The following SETD7 variants were observed in gnomAD, a reference collection of about 807,000 sequenced individuals.
SETD7 encodes SET domain containing 7, histone lysine methyltransferase.
SETD7 carries 16 observed loss-of-function variants against 41.8 expected under a neutral mutation model. The ratio of observed to expected loss-of-function variants is 0.38; its 90% CI spans 0.26 to 0.58. The LOEUF (loss-of-function observed/expected upper bound fraction) is 0.58. SETD7 is among the 20% of genes least tolerant of loss of function. The pLI, the probability that SETD7 is intolerant of heterozygous loss-of-function variation, is 0.64. For synonymous variants in SETD7, 163 were observed against 169.7 expected (o/e 0.96, Z 0.31); for missense variants, 346 against 459.7 (o/e 0.75, Z 2.26).
At position 139,511,543 on chromosome 4, in the gene SETD7, G is replaced by T. The variant is rs539778745; in HGVS notation, c.*120C>A. On this transcript the variant is annotated 3_prime_UTR_variant, in exon 8 of 8. Coordinates refer to ENST00000274031, the MANE Select transcript of SETD7 (RefSeq NM_030648.4). ...AGTATGCGAGAAAGTCGTTGCTAAC[G>T]CATGGTGAGAGGATGTGACGTCACA... The T allele has an allele frequency of 1.3e-4, 196 of 1,559,808 alleles. 1 individual carries two copies. The Middle Eastern group carries it at 1.4e-3, about 11-fold the overall frequency.
At position 139,511,236 on chromosome 4, in the gene SETD7, A is replaced by G. The variant is rs1726861866; in HGVS notation, c.*427T>C. The G allele has an allele frequency of 1.1e-5, 2 of 183,966 alleles. No individual in the cohort carries two copies. Among genetic ancestry groups the G allele is most frequent in the South Asian group, 1.1e-4 (1 of 9,048 alleles). The allele number at this position is 183,966 out of a possible 1,614,324, so 11.4% of individuals were successfully genotyped here. A position where few individuals can be genotyped will look rare whatever the true frequency, so the allele number is the denominator to read the frequency against. On this transcript the variant is annotated 3_prime_UTR_variant, in exon 8 of 8. Coordinates refer to ENST00000274031, the MANE Select transcript of SETD7 (RefSeq NM_030648.4). ...GAGAATAAAGATGTAGTAATTGTCA[A>G]CCCTTAATACGGCACATATGCAAGT...
chr4:139,516,941 C>T (rs1727042770), intron 7 of SETD7, among the ~76,000 whole-genome samples: 3 of 152,152 alleles, frequency 2.0e-5, no homozygotes, highest in Admixed American at 6.5e-5. Flanking sequence ...CCCTAGGGAA[C>T]CACTAATCTA....
chr4:139,538,578 C>T (rs973707030), intron 2 of SETD7, among the ~76,000 whole-genome samples: 1 of 152,206 alleles, frequency 6.6e-6, no homozygotes, highest in African/African-American at 2.4e-5. Flanking sequence ...ATCCACCCGC[C>T]TCAGCCTGTG....
At chr4:139,495,396 T>C (rs560833116), downstream of SETD7, among the ~76,000 whole-genome samples, 1 of 152,334 alleles carries the variant, frequency 6.6e-6, no homozygotes, top group East Asian at 1.9e-4. Flanking sequence ...AGGGGCAGTG[T>C]GTTAGTCCAT....
chr4:139,513,200 AC>A (rs1726928605), intron 7 of SETD7, among the ~76,000 whole-genome samples: 1 of 151,640 alleles, frequency 6.6e-6, no homozygotes, highest in Non-Finnish European at 1.5e-5. Context: ...GGGGTGGATC[AC>A]TTGAGGTCAG....
downstream of SETD7, among the ~76,000 whole-genome samples, chr4:139,493,077 G>A (rs185738785): frequency 3.4e-4 from 52 of 152,320 alleles, no homozygotes; most frequent in African/African-American, 1.1e-3. Flanking sequence ...AAACAAGACA[G>A]GCAAAGGCTG....
chr4:139,523,755 T>C (rs1236401720), intron 4 of SETD7, among the ~76,000 whole-genome samples: 1 of 152,336 alleles, frequency 6.6e-6, no homozygotes, highest in East Asian at 1.9e-4. Flanking sequence ...ATCTCTTGGC[T>C]CAGATCAAAT....
chr4:139,525,153 T>C (rs1412454849), intron 4 of SETD7, among the ~76,000 whole-genome samples: 3 of 152,192 alleles, frequency 2.0e-5, no homozygotes, highest in Admixed American at 6.5e-5. Context: ...GTGTGTGGAA[T>C]GTATGTTCTA....
downstream of SETD7, chr4:139,495,850 G>C (rs980950584): frequency 6.6e-6 from 1 of 152,352 alleles, no homozygotes; most frequent in Non-Finnish European, 1.5e-5. Flanking sequence ...GAAAATTCAA[G>C]GAGCATGATT....
intron 4 of SETD7, among the ~76,000 whole-genome samples, chr4:139,526,840 C>A (rs1349016186): frequency 6.6e-6 from 1 of 152,216 alleles, no homozygotes; most frequent in Non-Finnish European, 1.5e-5. Context: ...TCCCTTGTTT[C>A]GAGCCTCCTC....
intron 3 of SETD7, among the ~76,000 whole-genome samples, chr4:139,529,642 C>CACT (rs1727427689): frequency 6.6e-6 from 1 of 152,236 alleles, no homozygotes; most frequent in African/African-American, 2.4e-5. Context: ...TTTAGCAAGA[C>CACT]ACTCCTACCC....
chr4:139,545,560 G>A (rs1727917723), intron 2 of SETD7, among the ~76,000 whole-genome samples: 1 of 152,178 alleles, frequency 6.6e-6, no homozygotes, highest in Non-Finnish European at 1.5e-5. Context: ...GGGGTTGGGG[G>A]CAACGGGGAA....
rs1479660881 is a variant in SETD7, at chr4:139,507,739, AC to A, written c.*3923del. 6.6e-6 allele frequency: 1 copy of A among 152,656 alleles called. No individual in the cohort carries two copies. The highest frequency in any genetic ancestry group is 1.9e-4 in the East Asian group (1 of 5,198). 9.5% of individuals were successfully genotyped at this position (152,656 alleles called of 1,614,324 possible). A position where few individuals can be genotyped will look rare whatever the true frequency, so the allele number is the denominator to read the frequency against. The stretch of plus-strand genomic sequence containing the variant: ...ATTTTTAAAATTAAAAAAAGTGACA[AC>A]GAGTTTCCAAATTCCTGAAGGGAAA... On this transcript the variant is annotated 3_prime_UTR_variant, in exon 8 of 8. Transcript: ENST00000274031.
At position 139,509,899 on chromosome 4, in the gene SETD7, G is replaced by C; in HGVS notation, c.*1764C>G. On this transcript the variant is annotated 3_prime_UTR_variant, in exon 8 of 8. Transcript: ENST00000274031. ...TAAGCTTTCAAGCAGGGATCCAACT[G>C]GATCTCCCTGAAACCACTGCCACCT... 1 of 985,318 alleles carries C rather than the reference G, an allele frequency of 1.0e-6. No individual in the cohort carries two copies. Among genetic ancestry groups the C allele is most frequent in the Non-Finnish European group, 1.2e-6 (1 of 829,856 alleles). 61.0% of individuals were successfully genotyped at this position (985,318 alleles called of 1,614,324 possible).
rs536013132 is a variant in SETD7, at chr4:139,541,221, GC to G, written c.170+5698del. Reference sequence around the variant, plus strand: ...AACCACATGACCCTAATATTCCATAGCCCCCGCAAAGCCAATCTGAAGAAAT... The same window carrying G: ...AACCACATGACCCTAATATTCCATAGCCCCGCAAAGCCAATCTGAAGAAAT... On this transcript the variant is annotated intron_variant, in intron 2 of 7. Transcript: ENST00000274031. Among the ~76,000 whole-genome samples the G allele has an allele frequency of 2.8e-3, 420 of 152,244 alleles. 2 individuals carry two copies. The highest frequency in any genetic ancestry group is 9.6e-3 in the African/African-American group (397 of 41,540).
At chr4:139,512,939 A>C (rs567671335) in intron 7 of SETD7, among the ~76,000 whole-genome samples, 2 of 151,562 alleles carry the variant, frequency 1.3e-5, no homozygotes, top group South Asian at 4.2e-4. Flanking sequence ...TTGTATTTTT[A>C]GTACAGACAG....
intron 6 of SETD7, among the ~76,000 whole-genome samples, chr4:139,519,245 T>A (rs1727113906): frequency 6.6e-6 from 1 of 152,236 alleles, no homozygotes; most frequent in Non-Finnish European, 1.5e-5. Flanking sequence ...AAGAAGGGTG[T>A]CACATTCATT....
intron 2 of SETD7, among the ~76,000 whole-genome samples, chr4:139,534,736 A>G (rs138181773): frequency 1.3e-5 from 2 of 152,326 alleles, no homozygotes; most frequent in East Asian, 3.9e-4. Flanking sequence ...CAAAACAAAC[A>G]CAATGGTATA....
intron 1 of SETD7, 27 bp from the exon 2 acceptor site, chr4:139,547,076 C>G (rs1207156242): frequency 6.2e-7 from 1 of 1,612,560 alleles, no homozygotes; most frequent in Non-Finnish European, 8.5e-7. Context: ...ACAAGGCAAA[C>G]CTTAACATCT....
Sources: gnomAD v4.1 joint callset for allele counts (sites outside exome capture counted in the v4.1 genomes callset) on GRCh38, gnomAD v4.1.1 for gene constraint, MANE v1.5 for transcripts, NCBI Gene and HGNC (gene_info 2026-07-23, HGNC 2026-07-21) for gene names.